PPM1E: variants seen among roughly 807,000 people sequenced by gnomAD.
The protein encoded by PPM1E is protein phosphatase 1E.
Under a neutral mutation model 65.9 loss-of-function variants are expected in PPM1E, and 20 were observed. The ratio of observed to expected loss-of-function variants is 0.30; its 90% CI spans 0.21 to 0.44. The LOEUF (loss-of-function observed/expected upper bound fraction) is 0.44, where lower values mean the gene tolerates loss of function less well. PPM1E is among the 20% of genes least tolerant of loss of function. The probability of loss-of-function intolerance (pLI) is 1.00; values close to 1 mark genes in which losing one functional copy is unlikely to be tolerated. For missense variants in PPM1E, 713 were observed against 953.1 expected, an observed-to-expected ratio of 0.75 and a Z score of 3.32; for synonymous variants, 352 against 374.9, an observed-to-expected ratio of 0.94 and a Z score of 0.70.
chr17:58,852,260 G>A (rs2050834427), intron 1 of PPM1E, among the ~76,000 whole-genome samples: 1 of 152,096 alleles, frequency 6.6e-6, no homozygotes, highest in East Asian at 1.9e-4. Context: ...TGCTCCGTGG[G>A]CTGCACCCAC....
At chr17:58,759,643 C>T (rs1045233698) in intron 1 of PPM1E, among the ~76,000 whole-genome samples, 4 of 152,144 alleles carry the variant, frequency 2.6e-5, no homozygotes, top group African/African-American at 9.7e-5. Context: ...ATCATATTTT[C>T]AGAACAGTTG....
rs140465217 is a variant in PPM1E at position 58,958,133 on chromosome 17, A to G, written c.583+2366A>G. ...TCAACAGAGCGAGACCCTGTCTCAA[A>G]CAATGACAACAACAACCCAAAAAAC... is the stretch of plus-strand genomic sequence containing the variant. On this transcript the variant is annotated intron_variant, in intron 2 of 6. Coordinates refer to ENST00000308249, the MANE Select transcript of PPM1E (RefSeq NM_014906.5). Among the ~76,000 whole-genome samples the G allele has an allele frequency of 3.0e-3, 456 of 152,346 alleles. 3 individuals are homozygous for G. Among genetic ancestry groups the G allele is most frequent in the African/African-American group, 0.011 (441 of 41,580 alleles).
At chr17:58,815,745 A>G (rs1241205057) in intron 1 of PPM1E, among the ~76,000 whole-genome samples, 1 of 152,176 alleles carries the variant, frequency 6.6e-6, no homozygotes, top group Non-Finnish European at 1.5e-5. Context: ...TTAGGATATT[A>G]TATGCTAATC....
At chr17:58,850,067 T>G (rs576819024) in intron 1 of PPM1E, among the ~76,000 whole-genome samples, 5 of 152,188 alleles carry the variant, frequency 3.3e-5, no homozygotes, top group Admixed American at 6.5e-5. Context: ...CTTTGTTGGT[T>G]TAAAGTCTGT....
chr17:58,835,250 GTGAT>G lies in PPM1E; in HGVS notation c.464+78797_464+78800del, dbSNP rs542691066. Among the ~76,000 whole-genome samples, 620 of 152,132 alleles carry G rather than the reference GTGAT, an allele frequency of 4.1e-3. 2 individuals are homozygous for G. The highest frequency in any genetic ancestry group is 6.5e-3 in the Non-Finnish European group (444 of 67,984). ...CAGCTACTGGGGAGGCTAAGGCGAG[GTGAT>G]TGATTGAGTCTGGGAGGTCAAGGGT... On this transcript the variant is annotated intron_variant, in intron 1 of 6. Transcript: ENST00000308249.
rs553717982 is a variant in PPM1E at position 58,864,800 on chromosome 17, G to A, written c.465-90849G>A. Among the ~76,000 whole-genome samples the A allele has an allele frequency of 3.5e-4, 54 of 152,202 alleles. 1 individual carries two copies. The highest frequency in any genetic ancestry group is 1.3e-3 in the African/African-American group (52 of 41,518). On this transcript the variant is annotated intron_variant, in intron 1 of 6. Transcript: ENST00000308249. Reference sequence around the variant, plus strand: ...AAAATACAAAAATTAGCCGGGTGTGGTGGCAGGCGCCTGTAGTCCCAGCTA... The same window carrying A: ...AAAATACAAAAATTAGCCGGGTGTGATGGCAGGCGCCTGTAGTCCCAGCTA...
chr17:58,764,587 C>T (rs6503877), intron 1 of PPM1E, among the ~76,000 whole-genome samples: 50,312 of 151,694 alleles, frequency 0.33, 8,876 homozygotes, highest in East Asian at 0.49. Context: ...AGGCATGTGC[C>T]GTCATGCCTG....
chr17:58,840,264 A>C (rs112826220), intron 1 of PPM1E, among the ~76,000 whole-genome samples: 1 of 152,200 alleles, frequency 6.6e-6, no homozygotes, highest in South Asian at 2.1e-4. Context: ...GGGCTTGGTC[A>C]TATAGACATG....
intron 1 of PPM1E, among the ~76,000 whole-genome samples, chr17:58,873,598 T>TTATTATTAA (rs998890285): frequency 6.8e-6 from 1 of 147,282 alleles, no homozygotes; most frequent in Non-Finnish European, 1.5e-5. Flanking sequence ...ATTATTATTA[T>TTATTATTAA]TATTATTATT....
At chr17:58,897,305 T>C (rs1004715247) in intron 1 of PPM1E, among the ~76,000 whole-genome samples, 1 of 151,770 alleles carries the variant, frequency 6.6e-6, no homozygotes, top group Non-Finnish European at 1.5e-5. Context: ...TCCCAGCTAC[T>C]TGGGAGGCTG....
At chr17:58,889,212 ATC>A (rs1053208349) in intron 1 of PPM1E, among the ~76,000 whole-genome samples, 1 of 152,164 alleles carries the variant, frequency 6.6e-6, no homozygotes, top group Non-Finnish European at 1.5e-5. Context: ...TAATGAGCAA[ATC>A]TGTGTGTGGG....
In PPM1E at chr17:58,982,006, G is replaced by A. The variant is rs1047112618; in HGVS notation, c.*975G>A. 3.9e-5 allele frequency: 6 copies of A among 152,602 alleles called. No individual in the cohort carries two copies. The highest frequency in any genetic ancestry group is 2.6e-4 in the Admixed American group (4 of 15,276). The allele number at this position is 152,602 out of a possible 1,614,324, so 9.5% of individuals were successfully genotyped here. A position where few individuals can be genotyped will look rare whatever the true frequency, so the allele number is the denominator to read the frequency against. ...CTATAAAATACAAAGTGATTTTAGA[G>A]AATGAAAAATGCTACTTTTATCTTC... is the stretch of plus-strand genomic sequence containing the variant. On this transcript the variant is annotated 3_prime_UTR_variant, in exon 7 of 7. Transcript: ENST00000308249.
At chr17:58,891,392 G>A (rs991291301) in intron 1 of PPM1E, among the ~76,000 whole-genome samples, 6 of 151,342 alleles carry the variant, frequency 4.0e-5, no homozygotes, top group African/African-American at 9.7e-5. Context: ...ATGCAGTCTC[G>A]GCTCACTGCA....
At chr17:58,914,249 A>G (rs2051660454) in intron 1 of PPM1E, among the ~76,000 whole-genome samples, 1 of 152,232 alleles carries the variant, frequency 6.6e-6, no homozygotes. Flanking sequence ...CTAAGAAGCC[A>G]ACCAGCATTT....
At chr17:58,941,077 A>G (rs1472327871) in intron 1 of PPM1E, among the ~76,000 whole-genome samples, 1 of 152,250 alleles carries the variant, frequency 6.6e-6, no homozygotes, top group East Asian at 1.9e-4. Flanking sequence ...CTAAAAATTC[A>G]TATAGGTAAA....
intron 1 of PPM1E, among the ~76,000 whole-genome samples, chr17:58,881,216 T>C (rs980059459): frequency 6.6e-5 from 10 of 152,182 alleles, no homozygotes; most frequent in Admixed American, 6.5e-4. Context: ...ACACTGCCAT[T>C]GCAAAAACTT....
At chr17:58,920,320 C>T (rs1033420747) in intron 1 of PPM1E, among the ~76,000 whole-genome samples, 1 of 152,132 alleles carries the variant, frequency 6.6e-6, no homozygotes, top group African/African-American at 2.4e-5. Flanking sequence ...TGTTTCTTGA[C>T]CTCCTCACCT....
intron 1 of PPM1E, among the ~76,000 whole-genome samples, chr17:58,757,274 A>G (rs1192449443): frequency 6.6e-6 from 1 of 152,232 alleles, no homozygotes; most frequent in Non-Finnish European, 1.5e-5. Context: ...TTTTCAGTCC[A>G]TTAAGTAGAT....
At chr17:58,801,618 T>C (rs147477378) in intron 1 of PPM1E, among the ~76,000 whole-genome samples, 192 of 152,010 alleles carry the variant, frequency 1.3e-3, no homozygotes, top group African/African-American at 4.5e-3. Flanking sequence ...ATTTTTTCTA[T>C]TTTTAGTAGA....
Sources: gnomAD v4.1 joint callset for allele counts (sites outside exome capture counted in the v4.1 genomes callset) on GRCh38, gnomAD v4.1.1 for gene constraint, MANE v1.5 for transcripts, NCBI Gene and HGNC (gene_info 2026-07-23, HGNC 2026-07-21) for gene names.